Variants in RRAS2 observed in about 807,000 individuals in gnomAD.
The protein encoded by RRAS2 is ras-related protein R-Ras2.
In RRAS2, 7 loss-of-function variants were observed where a neutral mutation model predicts 27.6. The observed-to-expected ratio is 0.25, with a 90% CI of 0.14 to 0.48. The LOEUF (loss-of-function observed/expected upper bound fraction) is 0.48, where lower values mean the gene tolerates loss of function less well. Among genes scored for constraint, RRAS2 ranks in the 20% least tolerant of loss-of-function variants. The pLI, the probability that RRAS2 is intolerant of heterozygous loss-of-function variation, is 0.99. For missense variants in RRAS2, 178 were observed against 256.2 expected (o/e 0.69, Z 2.08); for synonymous variants, 86 against 90.9 (o/e 0.95, Z 0.31).
At chr11:14,334,699 TA>T (rs781802472) in intron 1 of RRAS2, among the ~76,000 whole-genome samples, 3,786 of 146,558 alleles carry the variant, frequency 0.026, 172 homozygotes, top group African/African-American at 0.083. Context: ...TAGCGAGTGT[TA>T]AAAAAAAAAA....
intron 1 of RRAS2, among the ~76,000 whole-genome samples, chr11:14,341,487 A>C (rs1436585366): frequency 6.6e-6 from 1 of 152,210 alleles, no homozygotes; most frequent in Non-Finnish European, 1.5e-5. Flanking sequence ...AAAGCAAATC[A>C]TAACACACAC....
chr11:14,358,295 C>G lies in RRAS2; in HGVS notation c.108+468G>C. On this transcript the variant is annotated intron_variant, in intron 1 of 5. Transcript: ENST00000256196. This position sits in a 1 kb window ranked among gnomAD's most constrained non-coding sequence, Gnocchi z 5.1. ...CTCCGGCTCAGGCGGCGCGGGGAAG[C>G]CCGGAGACCACGCGGAGCCGCGGCC... 1.0e-6 allele frequency: 1 copy of G among 985,498 alleles called. No homozygotes were observed. Among genetic ancestry groups the G allele is most frequent in the Non-Finnish European group, 1.2e-6 (1 of 829,970 alleles). The allele number at this position is 985,498 out of a possible 1,614,324, so 61.0% of individuals were successfully genotyped here. A position where few individuals can be genotyped will look rare whatever the true frequency, so the allele number is the denominator to read the frequency against.
chr11:14,364,405 G>A, exon 1 of RRAS2: 1 of 1,535,910 alleles, frequency 6.5e-7, no homozygotes, highest in Non-Finnish European at 8.7e-7. Context: ...GGTGATGGAG[G>A]AGCATCATCC....
At chr11:14,280,269 G>A (rs111582705) in intron 5 of RRAS2, among the ~76,000 whole-genome samples, 2 of 151,422 alleles carry the variant, frequency 1.3e-5, no homozygotes, top group African/African-American at 2.4e-5. Context: ...TTATAAAACC[G>A]AGACTCTTAC....
At chr11:14,316,580 C>CTAAA (rs1171103668) in intron 1 of RRAS2, among the ~76,000 whole-genome samples, 1 of 152,048 alleles carries the variant, frequency 6.6e-6, no homozygotes, top group Non-Finnish European at 1.5e-5. Context: ...TCTCTACCTA[C>CTAAA]TAAATAAATA....
At chr11:14,292,567 A>C (rs1847428071) in intron 4 of RRAS2, among the ~76,000 whole-genome samples, 1 of 152,144 alleles carries the variant, frequency 6.6e-6, no homozygotes, top group Admixed American at 6.5e-5. Context: ...TAGAAACCTC[A>C]AGGAAATGGT....
chr11:14,330,645 G>T (rs868909359), intron 1 of RRAS2, among the ~76,000 whole-genome samples: 4 of 142,978 alleles, frequency 2.8e-5, no homozygotes, highest in Admixed American at 2.8e-4. Flanking sequence ...ATGACATGTA[G>T]TTAACATTAA....
chr11:14,309,840 T>C (rs1847918794), intron 1 of RRAS2, among the ~76,000 whole-genome samples: 1 of 152,204 alleles, frequency 6.6e-6, no homozygotes, highest in Non-Finnish European at 1.5e-5. Flanking sequence ...TCAGATTTTA[T>C]TCAAAGTGAA....
chr11:14,353,693 C>A (rs565238736), intron 1 of RRAS2, among the ~76,000 whole-genome samples: 14 of 151,228 alleles, frequency 9.3e-5, no homozygotes, highest in African/African-American at 3.4e-4. Flanking sequence ...GAGACAGACA[C>A]AAAGAGAAAG....
intron 2 of RRAS2, among the ~76,000 whole-genome samples, 173 bp from the exon 3 acceptor site, chr11:14,295,035 G>T (rs1243106713): frequency 6.6e-6 from 1 of 152,118 alleles, no homozygotes; most frequent in Non-Finnish European, 1.5e-5. Flanking sequence ...ATATTCTAAT[G>T]GCAGACAGTT....
intron 4 of RRAS2, among the ~76,000 whole-genome samples, chr11:14,285,112 T>C (rs1849628255): frequency 6.6e-6 from 1 of 152,254 alleles, no homozygotes; most frequent in South Asian, 2.1e-4. Flanking sequence ...GAGTTGTTTT[T>C]ATGATTGCAT....
chr11:14,297,723 C>G (rs2133966025), intron 1 of RRAS2, among the ~76,000 whole-genome samples: 1 of 152,270 alleles, frequency 6.6e-6, no homozygotes, highest in East Asian at 1.9e-4. Flanking sequence ...GATCATGCCA[C>G]ACTGCGCTCC....
intron 1 of RRAS2, among the ~76,000 whole-genome samples, chr11:14,298,102 T>A (rs1847604543): frequency 6.6e-6 from 1 of 152,082 alleles, no homozygotes; most frequent in Admixed American, 6.6e-5. Flanking sequence ...CTACACCCAC[T>A]ATTTTAAACA....
intron 1 of RRAS2, among the ~76,000 whole-genome samples, chr11:14,344,035 G>A (rs930581986): frequency 6.6e-6 from 1 of 151,944 alleles, no homozygotes; most frequent in Non-Finnish European, 1.5e-5. Context: ...CCCAGTTACT[G>A]GAGAGGCTGA....
rs548221636 is a variant in RRAS2 at position 14,296,831 on chromosome 11, G to A, written c.109-976C>T. ...CGAAGTCATTACCATAAAAAAAAGG[G>A]GGGGGACAGTTAAAGTATCCAAGTA... is the stretch of plus-strand genomic sequence containing the variant. On this transcript the variant is annotated intron_variant, in intron 1 of 5. Coordinates refer to ENST00000256196, the MANE Select transcript of RRAS2 (RefSeq NM_012250.6). Among the ~76,000 whole-genome samples, 9 of 152,096 alleles carry A rather than the reference G, an allele frequency of 5.9e-5. No homozygotes were observed. The South Asian group carries it at 1.9e-3, about 32-fold the overall frequency.
In RRAS2 at chr11:14,358,016, A is replaced by G. The variant is rs922848302; in HGVS notation, c.108+747T>C. 6.6e-6 allele frequency among the ~76,000 whole-genome samples: 1 copy of G among 152,072 alleles called. No homozygotes were observed. The highest frequency in any genetic ancestry group is 1.5e-5 in the Non-Finnish European group (1 of 68,034). The stretch of plus-strand genomic sequence containing the variant: ...GGGTAGGGGAGAGGGTGGTTAGAAA[A>G]CAGAACGCACGACTCGGTCATATCC... On this transcript the variant is annotated intron_variant, in intron 1 of 5. Coordinates refer to ENST00000256196, the MANE Select transcript of RRAS2 (RefSeq NM_012250.6). The surrounding 1 kb of genome is among the most constrained non-coding windows in gnomAD (Gnocchi z 5.1).
intron 1 of RRAS2, among the ~76,000 whole-genome samples, chr11:14,313,198 C>A (rs1432452364): frequency 6.6e-6 from 1 of 152,186 alleles, no homozygotes; most frequent in Non-Finnish European, 1.5e-5. Flanking sequence ...AGCTAAACAG[C>A]ACATGTTCAC....
At chr11:14,288,630 GCACTTCCCAGA>G (rs1166103052) in intron 4 of RRAS2, among the ~76,000 whole-genome samples, 1 of 152,148 alleles carries the variant, frequency 6.6e-6, no homozygotes, top group Non-Finnish European at 1.5e-5. Context: ...GTAGATTTTA[GCACTTCCCAGA>G]CATGTTTTGT....
chr11:14,336,528 G>T (rs1179798226), intron 1 of RRAS2, among the ~76,000 whole-genome samples: 1 of 152,024 alleles, frequency 6.6e-6, no homozygotes, highest in African/African-American at 2.4e-5. Context: ...GAAAGTCTCA[G>T]TAAAGACACA....
Sources: gnomAD v4.1 joint callset for allele counts (sites outside exome capture counted in the v4.1 genomes callset) on GRCh38, gnomAD v4.1.1 for gene constraint, Gnocchi (gnomAD v3.1) non-coding constraint, MANE v1.5 for transcripts, NCBI Gene and HGNC (gene_info 2026-07-23, HGNC 2026-07-21) for gene names.